KCNH5: variants seen among roughly 807,000 people sequenced by gnomAD.
KCNH5 encodes voltage-gated delayed rectifier potassium channel KCNH5.
A neutral mutation model predicts 96.1 loss-of-function variants in KCNH5; 46 were observed. The observed-to-expected ratio is 0.48, with a 90% confidence interval of 0.38 to 0.61. The LOEUF is 0.61. KCNH5 is among the 20% of genes least tolerant of loss of function. The pLI, the probability that KCNH5 is intolerant of heterozygous loss-of-function variation, is 0.00. For synonymous variants in KCNH5, 439 were observed against 449.8 expected (o/e 0.98, Z 0.30); for missense variants, 907 against 1,225.8 (o/e 0.74, Z 3.88).
chr14:62,761,345 A>G (rs1450568034), intron 10 of KCNH5, among the ~76,000 whole-genome samples: 2 of 139,440 alleles, frequency 1.4e-5, no homozygotes, highest in African/African-American at 5.4e-5. Flanking sequence ...ACAGAATGAG[A>G]CTCACTCTCT....
At chr14:62,851,740 T>C (rs1887811039) in intron 7 of KCNH5, among the ~76,000 whole-genome samples, 1 of 152,130 alleles carries the variant, frequency 6.6e-6, no homozygotes, top group Admixed American at 6.5e-5. Flanking sequence ...AGTGCTCAGC[T>C]ATCATAAATT....
chr14:62,915,409 A>C (rs1393968375), intron 7 of KCNH5, among the ~76,000 whole-genome samples: 1 of 152,242 alleles, frequency 6.6e-6, no homozygotes, highest in Admixed American at 6.5e-5. Flanking sequence ...TATAGTAAGA[A>C]ATATAATTCT....
At chr14:62,718,908 T>C (rs1437423378) in intron 10 of KCNH5, among the ~76,000 whole-genome samples, 1 of 152,212 alleles carries the variant, frequency 6.6e-6, no homozygotes. Flanking sequence ...TAATGCAATG[T>C]AGAGAAACCT....
chr14:62,964,351 C>A (rs984989461), intron 6 of KCNH5, among the ~76,000 whole-genome samples: 9 of 152,112 alleles, frequency 5.9e-5, no homozygotes, highest in Non-Finnish European at 1.3e-4. Context: ...CTAACAGCGG[C>A]ATTTAGCCCA....
At chr14:62,944,089 T>A (rs1889841204) in intron 7 of KCNH5, among the ~76,000 whole-genome samples, 1 of 151,998 alleles carries the variant, frequency 6.6e-6, no homozygotes, top group South Asian at 2.1e-4. Context: ...CAAGGAAAAC[T>A]TTTGAGACTG....
intron 7 of KCNH5, among the ~76,000 whole-genome samples, chr14:62,878,780 G>T (rs1280087391): frequency 6.6e-6 from 1 of 152,020 alleles, no homozygotes; most frequent in Non-Finnish European, 1.5e-5. Context: ...ATGTCAGCAG[G>T]GTTGGTTTCT....
At chr14:62,900,243 T>C (rs1179497818) in intron 7 of KCNH5, among the ~76,000 whole-genome samples, 1 of 152,224 alleles carries the variant, frequency 6.6e-6, no homozygotes, top group Non-Finnish European at 1.5e-5. Context: ...TAAAGCACTC[T>C]ATAGGAAATG....
intron 7 of KCNH5, among the ~76,000 whole-genome samples, chr14:62,873,161 A>AAG (rs1376225579): frequency 6.6e-6 from 1 of 151,912 alleles, no homozygotes; most frequent in East Asian, 1.9e-4. Flanking sequence ...AAAAAAAAAA[A>AAG]AAGAAGAAGA....
chr14:63,045,117 T>A lies in KCNH5; in HGVS notation c.70A>T (p.Ser24Cys). 6.2e-7 allele frequency: 1 copy of A among 1,613,566 alleles called. No individual in the cohort carries two copies. Among genetic ancestry groups the A allele is most frequent in the Non-Finnish European group, 8.5e-7 (1 of 1,179,724 alleles). Residue 24 changes from serine to cysteine, a missense_variant, in exon 1 of 11, where the codon AGT becomes TGT. Around this residue, in one of 6 missense-constraint regions of KCNH5, gnomAD observed 370 missense variants for 561.3 expected, o/e 0.66. Coordinates refer to ENST00000322893, the MANE Select transcript of KCNH5 (RefSeq NM_139318.5). ...TFLENIVRRS[S>C]ESSFLLGNAQ... Reference sequence around the variant, plus strand: ...TCTGAACTACAACTCTCCTTACCACTGGAGCGCCTGACGATGTTCTCCAAA... The same window carrying A: ...TCTGAACTACAACTCTCCTTACCACAGGAGCGCCTGACGATGTTCTCCAAA...
chr14:63,017,011 T>A, intron 1 of KCNH5, 57 bp from the exon 2 acceptor site: 1 of 1,534,074 alleles, frequency 6.5e-7, no homozygotes, highest in Non-Finnish European at 8.8e-7. Context: ...AATGCACTTA[T>A]TTCAAGTAAT....
intron 10 of KCNH5, among the ~76,000 whole-genome samples, chr14:62,754,735 C>G (rs1885581465): frequency 6.6e-6 from 1 of 151,504 alleles, no homozygotes. Context: ...AATAGTCAAG[C>G]ATGGGGGTGT....
intron 7 of KCNH5, among the ~76,000 whole-genome samples, chr14:62,938,683 C>T (rs1889731275): frequency 6.6e-6 from 1 of 152,216 alleles, no homozygotes; most frequent in Non-Finnish European, 1.5e-5. Context: ...GTCTGTTCTA[C>T]ACCAGAGTAT....
chr14:62,729,814 T>C (rs1363635647), intron 10 of KCNH5, among the ~76,000 whole-genome samples: 3 of 152,194 alleles, frequency 2.0e-5, no homozygotes, highest in African/African-American at 7.2e-5. Context: ...ACAAATTTTC[T>C]GCAAAACCCA....
intron 8 of KCNH5, among the ~76,000 whole-genome samples, chr14:62,817,142 T>C (rs111870351): frequency 2.9e-5 from 4 of 139,698 alleles, no homozygotes; most frequent in African/African-American, 1.1e-4. Flanking sequence ...ATATAATATA[T>C]ATATACACAC....
intron 7 of KCNH5, among the ~76,000 whole-genome samples, chr14:62,948,458 GGAA>G (rs1889936431): frequency 6.6e-6 from 1 of 152,040 alleles, no homozygotes; most frequent in African/African-American, 2.4e-5. Flanking sequence ...GACTAAACCA[GGAA>G]GAAGTTGAAT....
At chr14:62,838,044 A>T (rs143509480) in intron 8 of KCNH5, among the ~76,000 whole-genome samples, 1 of 152,290 alleles carries the variant, frequency 6.6e-6, no homozygotes, top group African/African-American at 2.4e-5. Flanking sequence ...AAGGGTTACA[A>T]TATTAAACTA....
intron 6 of KCNH5, among the ~76,000 whole-genome samples, chr14:62,966,654 T>G (rs908318427): frequency 2.0e-5 from 3 of 152,190 alleles, no homozygotes; most frequent in African/African-American, 7.2e-5. Flanking sequence ...GATAAATGGT[T>G]TGATTTTTTT....
chr14:62,818,367 T>A (rs1028011005), intron 8 of KCNH5, among the ~76,000 whole-genome samples: 6 of 151,908 alleles, frequency 3.9e-5, no homozygotes, highest in African/African-American at 1.5e-4. Context: ...CAATTATACC[T>A]CAATAAAGCA....
At chr14:63,029,035 A>C (rs1489379508) in intron 1 of KCNH5, among the ~76,000 whole-genome samples, 2 of 152,138 alleles carry the variant, frequency 1.3e-5, no homozygotes, top group East Asian at 3.9e-4. Context: ...AAGTAATTGG[A>C]CTGTGCTCAC....
Sources: allele counts gnomAD v4.1 joint callset (sites outside exome capture counted in the v4.1 genomes callset), GRCh38; gene constraint gnomAD v4.1.1; regional missense constraint gnomAD v4.1.1; transcripts MANE v1.5; gene names NCBI Gene and HGNC (gene_info 2026-07-23, HGNC 2026-07-21).